The following UTRN variants were observed in gnomAD, a reference collection of about 807,000 sequenced individuals.
UTRN encodes dystrophin-related protein 1.
UTRN carries 283 observed loss-of-function variants against 463.9 expected under a neutral mutation model. The ratio of observed to expected loss-of-function variants is 0.61; its 90% CI spans 0.55 to 0.67. The LOEUF (loss-of-function observed/expected upper bound fraction) is 0.67. Ranked by LOEUF, UTRN falls within the 30% of genes least tolerant of loss-of-function variation. The pLI is 0.00. For missense variants in UTRN, 3,922 were observed against 4,084.3 expected (o/e 0.96, Z 1.08); for synonymous variants, 1,442 against 1,431.5 (o/e 1.01, Z -0.17).
chr6:144,399,528 G>A (rs1181910029), intron 2 of UTRN, among the ~76,000 whole-genome samples: 1 of 152,124 alleles, frequency 6.6e-6, no homozygotes, highest in African/African-American at 2.4e-5. Flanking sequence ...TTCTTTCTTG[G>A]CTAAAGGTCT....
chr6:144,410,796 A>G (rs1424047388), intron 3 of UTRN, among the ~76,000 whole-genome samples: 12 of 141,176 alleles, frequency 8.5e-5, no homozygotes, highest in Non-Finnish European at 1.4e-4. Flanking sequence ...TGGTGTGTAT[A>G]TGTGTGTGTG....
At chr6:144,831,611 T>C (rs1322381883) in intron 69 of UTRN, among the ~76,000 whole-genome samples, 1 of 152,186 alleles carries the variant, frequency 6.6e-6, no homozygotes, top group African/African-American at 2.4e-5. Context: ...TACGTTCGAT[T>C]GACTCTGGAC....
At position 144,462,745 on chromosome 6, in the gene UTRN, T is replaced by C. The variant is rs1249197676; in HGVS notation, c.2945T>C (p.Val982Ala). ...CTGGAGAAAAATGTTCATCCTGATG[T>C]AGAAAAATTATATAAGCAAGAATTT... Reference protein sequence around the residue: ...KALEKNVHPDVEKLYKQEFDD... With the variant: ...KALEKNVHPDAEKLYKQEFDD... The change falls in exon 23 of 75, where the codon GTA becomes GCA. Residue 982 changes from valine to alanine, a missense_variant. Coordinates refer to ENST00000367545, the MANE Select transcript of UTRN (RefSeq NM_007124.3). The C allele has an allele frequency of 4.3e-6, 7 of 1,611,828 alleles. No individual in the cohort carries two copies. The African/African-American group carries it at 9.4e-5, about 22-fold the overall frequency.
chr6:144,846,242 G>T (rs74338836), intron 73 of UTRN, among the ~76,000 whole-genome samples: 4,603 of 152,236 alleles, frequency 0.03, 200 homozygotes, highest in African/African-American at 0.094. Flanking sequence ...TAACTTCTCC[G>T]TTGTTCCTAA....
chr6:144,346,880 A>T (rs1381238479), intron 2 of UTRN, among the ~76,000 whole-genome samples: 1 of 134,650 alleles, frequency 7.4e-6, no homozygotes, highest in Non-Finnish European at 1.7e-5. Context: ...TGTATCATCT[A>T]TCTATCTATC....
chr6:144,398,959 G>A (rs1782698385), intron 2 of UTRN, among the ~76,000 whole-genome samples: 1 of 152,082 alleles, frequency 6.6e-6, no homozygotes, highest in Non-Finnish European at 1.5e-5. Flanking sequence ...GTTTAAATGT[G>A]GCAAACTCAC....
chr6:144,552,286 T>A (rs1056198083), intron 48 of UTRN, among the ~76,000 whole-genome samples: 10 of 152,140 alleles, frequency 6.6e-5, no homozygotes, highest in African/African-American at 2.4e-4. Context: ...TGTCTAACAG[T>A]GTTGGCTTAT....
At chr6:144,474,879 G>A in intron 25 of UTRN, 120 bp downstream of exon 25, 1 of 1,182,544 alleles carries the variant, frequency 8.5e-7, no homozygotes, top group Non-Finnish European at 1.2e-6. Context: ...AATAACTCCA[G>A]CATGGGTAGT....
chr6:144,573,539 T>TA (rs1423805377), intron 50 of UTRN, among the ~76,000 whole-genome samples: 6 of 151,658 alleles, frequency 4.0e-5, no homozygotes, highest in Non-Finnish European at 2.9e-5. Context: ...ATTAAAAAAA[T>TA]ACAAAAATTA....
chr6:144,367,791 T>C (rs1323271698), intron 2 of UTRN, among the ~76,000 whole-genome samples: 1 of 152,116 alleles, frequency 6.6e-6, no homozygotes, highest in Non-Finnish European at 1.5e-5. Flanking sequence ...TGTTTCTTTC[T>C]CTTTTTTTGA....
chr6:144,568,050 T>C (rs911808139), intron 50 of UTRN, among the ~76,000 whole-genome samples: 2 of 152,214 alleles, frequency 1.3e-5, no homozygotes, highest in African/African-American at 4.8e-5. Flanking sequence ...TAGCTGCTTT[T>C]ATTACAAAAA....
chr6:144,614,258 T>C (rs1171809362), intron 51 of UTRN, among the ~76,000 whole-genome samples: 1 of 152,092 alleles, frequency 6.6e-6, no homozygotes, highest in Non-Finnish European at 1.5e-5. Context: ...AATTCAAATA[T>C]TATCTTAAAA....
chr6:144,418,681 G>A (rs1355738280), intron 3 of UTRN, among the ~76,000 whole-genome samples: 3 of 151,880 alleles, frequency 2.0e-5, no homozygotes, highest in African/African-American at 7.3e-5. Flanking sequence ...AGTCTCCCAA[G>A]TAGCTGGGAT....
At chr6:144,389,159 C>T (rs1781680900) in intron 2 of UTRN, among the ~76,000 whole-genome samples, 1 of 152,138 alleles carries the variant, frequency 6.6e-6, no homozygotes. Context: ...AAAGGCAGGA[C>T]AACTCGAAGT....
At chr6:144,772,550 A>T (rs985286118) in intron 59 of UTRN, among the ~76,000 whole-genome samples, 1 of 152,210 alleles carries the variant, frequency 6.6e-6, no homozygotes, top group Admixed American at 6.5e-5. Context: ...CCTCCTTCGT[A>T]TTGAGTCATC....
At chr6:144,829,588 A>G (rs1780485084) in intron 69 of UTRN, among the ~76,000 whole-genome samples, 1 of 151,866 alleles carries the variant, frequency 6.6e-6, no homozygotes, top group Non-Finnish European at 1.5e-5. Context: ...CCTGAATAAT[A>G]TCTAAAAGAC....
At chr6:144,531,225 G>C in intron 42 of UTRN, 23 bp downstream of exon 42, 2 of 1,612,572 alleles carry the variant, frequency 1.2e-6, no homozygotes, top group Non-Finnish European at 1.7e-6. Context: ...TGTTAGAGGA[G>C]GGGGACTGCA....
chr6:144,700,358 C>CG (rs1241630191), intron 53 of UTRN, 115 bp downstream of exon 53: 1 of 1,191,870 alleles, frequency 8.4e-7, no homozygotes, highest in Non-Finnish European at 1.1e-6. Flanking sequence ...ATTCCCCCCC[C>CG]CACCACCGTC....
At chr6:144,464,734 A>G (rs1454711796) in intron 23 of UTRN, among the ~76,000 whole-genome samples, 1 of 152,086 alleles carries the variant, frequency 6.6e-6, no homozygotes, top group African/African-American at 2.4e-5. Context: ...TCCTGACCTC[A>G]GGTGATCCAC....
Sources: gnomAD v4.1 joint callset for allele counts (sites outside exome capture counted in the v4.1 genomes callset) on GRCh38, gnomAD v4.1.1 for gene constraint, MANE v1.5 for transcripts, NCBI Gene and HGNC (gene_info 2026-07-23, HGNC 2026-07-21) for gene names.